The following SCMH1 variants were observed in gnomAD, a reference collection of about 807,000 sequenced individuals.
The protein encoded by SCMH1 is polycomb protein SCMH1.
Under a neutral mutation model 70.8 loss-of-function variants are expected in SCMH1, and 37 were observed. That is an observed-to-expected ratio of 0.52 (90% confidence interval 0.40 to 0.69). The LOEUF (loss-of-function observed/expected upper bound fraction) is 0.69, where lower values mean the gene tolerates loss of function less well. Ranked by LOEUF, SCMH1 falls within the 30% of genes least tolerant of loss-of-function variation. SCMH1 has a pLI of 0.00. For synonymous variants in SCMH1, 292 were observed against 307.4 expected (o/e 0.95, Z 0.52); for missense variants, 607 against 827.3 (o/e 0.73, Z 3.27).
intron 1 of SCMH1, among the ~76,000 whole-genome samples, chr1:41,240,083 T>C (rs1271346968): frequency 6.6e-6 from 1 of 152,256 alleles, no homozygotes; most frequent in Non-Finnish European, 1.5e-5. Context: ...GCTATGCAAA[T>C]GTTTACCCAA....
At chr1:41,077,456 T>A (rs1658648736) in intron 8 of SCMH1, among the ~76,000 whole-genome samples, 1 of 152,090 alleles carries the variant, frequency 6.6e-6, no homozygotes, top group African/African-American at 2.4e-5. Context: ...CAGAATAAAA[T>A]CTCCTATAAT....
chr1:41,221,329 G>C (rs560844170), intron 1 of SCMH1, among the ~76,000 whole-genome samples: 1 of 152,226 alleles, frequency 6.6e-6, no homozygotes, highest in Non-Finnish European at 1.5e-5. Flanking sequence ...GTGGATGGTG[G>C]TGATGGTTGC....
chr1:41,090,330 A>G (rs947584817), intron 8 of SCMH1, among the ~76,000 whole-genome samples: 1 of 152,158 alleles, frequency 6.6e-6, no homozygotes, highest in Non-Finnish European at 1.5e-5. Flanking sequence ...ATTATTTTAT[A>G]TTTTTGCAAA....
intron 12 of SCMH1, among the ~76,000 whole-genome samples, chr1:41,040,774 G>C (rs1187581171): frequency 6.6e-6 from 1 of 152,220 alleles, no homozygotes; most frequent in Non-Finnish European, 1.5e-5. Flanking sequence ...TGAGGTAGGA[G>C]AATCGCTTGA....
At chr1:41,168,275 C>G (rs1333218013) in intron 2 of SCMH1, among the ~76,000 whole-genome samples, 1 of 152,074 alleles carries the variant, frequency 6.6e-6, no homozygotes, top group Non-Finnish European at 1.5e-5. Flanking sequence ...CATTTGTTGT[C>G]CACTTGATGG....
At chr1:41,124,447 G>T (rs1397051943) in intron 6 of SCMH1, among the ~76,000 whole-genome samples, 4 of 152,050 alleles carry the variant, frequency 2.6e-5, no homozygotes, top group African/African-American at 7.2e-5. Flanking sequence ...CTTTAATGTA[G>T]AATTCATGTA....
intron 8 of SCMH1, among the ~76,000 whole-genome samples, chr1:41,090,564 T>C (rs924798741): frequency 1.3e-5 from 2 of 152,006 alleles, no homozygotes; most frequent in African/African-American, 4.8e-5. Context: ...CTTGAGGTGA[T>C]TGATATCCCA....
chr1:41,172,638 G>A (rs2148518005), intron 2 of SCMH1, among the ~76,000 whole-genome samples: 1 of 151,920 alleles, frequency 6.6e-6, no homozygotes, highest in Admixed American at 6.6e-5. Context: ...GCAAACCTGA[G>A]CAAAAAAGAA....
intron 1 of SCMH1, among the ~76,000 whole-genome samples, chr1:41,233,622 C>G (rs1045006962): frequency 6.6e-6 from 1 of 152,088 alleles, no homozygotes; most frequent in Non-Finnish European, 1.5e-5. Context: ...TCTGAGATAT[C>G]CATATCTCTA....
At chr1:41,129,834 C>T (rs1674189962) in intron 6 of SCMH1, among the ~76,000 whole-genome samples, 1 of 152,164 alleles carries the variant, frequency 6.6e-6, no homozygotes, top group Admixed American at 6.6e-5. Context: ...GTTGCCCAGG[C>T]TGGCCTCGAA....
intron 8 of SCMH1, among the ~76,000 whole-genome samples, chr1:41,103,133 T>A (rs993265149): frequency 3.7e-4 from 53 of 143,038 alleles, no homozygotes; most frequent in Admixed American, 1.0e-3. Context: ...GGGAAGAAAA[T>A]TTTTTTTTTT....
intron 12 of SCMH1, among the ~76,000 whole-genome samples, chr1:41,045,349 G>A (rs1459102106): frequency 1.3e-5 from 2 of 152,112 alleles, no homozygotes; most frequent in African/African-American, 2.4e-5. Context: ...TAAAATTCAG[G>A]TATCTTTTTG....
chr1:41,084,974 T>C (rs1196380683), intron 8 of SCMH1, among the ~76,000 whole-genome samples: 2 of 101,246 alleles, frequency 2.0e-5, no homozygotes, highest in Non-Finnish European at 3.8e-5. Context: ...CTGGGGACTG[T>C]TGTGGGGTGG....
intron 2 of SCMH1, among the ~76,000 whole-genome samples, chr1:41,174,757 C>T (rs1435830328): frequency 1.3e-5 from 2 of 152,086 alleles, no homozygotes; most frequent in Non-Finnish European, 2.9e-5. Flanking sequence ...TGCTTTCTTT[C>T]CTGTCTTATT....
intron 2 of SCMH1, among the ~76,000 whole-genome samples, chr1:41,175,704 T>C (rs972488402): frequency 3.3e-5 from 5 of 152,206 alleles, no homozygotes; most frequent in Admixed American, 6.5e-5. Context: ...CTCTATCTTA[T>C]GTGTTATGAC....
intron 8 of SCMH1, among the ~76,000 whole-genome samples, chr1:41,093,203 A>G (rs1479075907): frequency 2.6e-5 from 4 of 151,950 alleles, no homozygotes; most frequent in Admixed American, 1.3e-4. Context: ...ATAAAAAAGG[A>G]TGAGTTCATG....
At position 41,090,094 on chromosome 1, in the gene SCMH1, T is replaced by C. The variant is rs181463393; in HGVS notation, c.746-14643A>G. ...GGTGTGAGCCACCATGCCTGGCCAA[T>C]ATTGTCCTTTTTGCTAGTGATTCTC... On this transcript the variant is annotated intron_variant, in intron 8 of 14. Coordinates refer to ENST00000337495, the Ensembl canonical transcript of SCMH1. Among the ~76,000 whole-genome samples the C allele has an allele frequency of 4.2e-4, 64 of 151,994 alleles. 1 individual carries two copies. The East Asian group carries it at 0.012, about 28-fold the overall frequency.
chr1:41,146,786 G>A (rs1479827831), intron 5 of SCMH1, among the ~76,000 whole-genome samples: 3 of 152,144 alleles, frequency 2.0e-5, no homozygotes, highest in South Asian at 2.1e-4. Context: ...TATCCCTATC[G>A]TTAAGCAATG....
chr1:41,113,272 T>C lies in SCMH1; in HGVS notation c.745+11A>G. ...GGTCCTGATTTCAAGAGCACGTAGA[T>C]GGGCCTTTACCTTTGGTGCCAGGAG... On this transcript the variant is annotated intron_variant, in intron 8 of 14. Coordinates refer to ENST00000337495, the Ensembl canonical transcript of SCMH1. The surrounding 1 kb of genome is among the most constrained non-coding windows in gnomAD (Gnocchi z 4.3). 3.1e-6 allele frequency: 5 copies of C among 1,611,720 alleles called. No individual in the cohort carries two copies. Among genetic ancestry groups the C allele is most frequent in the Non-Finnish European group, 4.2e-6 (5 of 1,179,032 alleles).
Sources: gnomAD v4.1 joint callset for allele counts (sites outside exome capture counted in the v4.1 genomes callset) on GRCh38, gnomAD v4.1.1 for gene constraint, Gnocchi (gnomAD v3.1) non-coding constraint, MANE v1.5 for transcripts, NCBI Gene and HGNC (gene_info 2026-07-23, HGNC 2026-07-21) for gene names.